Variants in SLC9A9 observed in about 807,000 individuals in gnomAD.
SLC9A9 encodes the protein solute carrier family 9 member A9.
Under a neutral mutation model 77.8 loss-of-function variants are expected in SLC9A9, and 62 were observed. That is an observed-to-expected ratio of 0.80 (90% CI 0.65 to 0.98). The LOEUF (loss-of-function observed/expected upper bound fraction) is 0.98. Among genes scored for constraint, SLC9A9 ranks in the 50% least tolerant of loss-of-function variants. The pLI, the probability that SLC9A9 is intolerant of heterozygous loss-of-function variation, is 0.00. For missense variants in SLC9A9, 775 were observed against 774.9 expected, an observed-to-expected ratio of 1.00 and a Z score of 0.00; for synonymous variants, 320 against 283.5, an observed-to-expected ratio of 1.13 and a Z score of -1.29.
intron 4 of SLC9A9, among the ~76,000 whole-genome samples, chr3:143,729,335 T>A (rs1173633698): frequency 6.6e-6 from 1 of 152,192 alleles, no homozygotes; most frequent in African/African-American, 2.4e-5. Context: ...ACTTGACCTC[T>A]CTACACTTCA....
chr3:143,618,145 C>T (rs771089580), intron 6 of SLC9A9, among the ~76,000 whole-genome samples: 27 of 152,128 alleles, frequency 1.8e-4, no homozygotes, highest in Admixed American at 6.5e-5. Flanking sequence ...GTGCTGGAAC[C>T]GTGGGAGGAA....
chr3:143,740,013 T>C (rs1369865394), intron 4 of SLC9A9, among the ~76,000 whole-genome samples: 1 of 152,212 alleles, frequency 6.6e-6, no homozygotes. Context: ...CGGGTTTCCA[T>C]ATGGTGAGTC....
intron 6 of SLC9A9, among the ~76,000 whole-genome samples, chr3:143,602,256 C>G (rs1419366693): frequency 6.6e-6 from 1 of 152,218 alleles, no homozygotes. Context: ...ACCAGCAGCA[C>G]GTAGCCCAGT....
At chr3:143,598,797 T>G (rs538689969) in intron 6 of SLC9A9, among the ~76,000 whole-genome samples, 60 of 152,344 alleles carry the variant, frequency 3.9e-4, no homozygotes, top group African/African-American at 1.3e-3. Context: ...GCCCTTGTCC[T>G]TTAATATGGA....
At chr3:143,356,610 T>C (rs2032593358) in intron 14 of SLC9A9, among the ~76,000 whole-genome samples, 1 of 152,182 alleles carries the variant, frequency 6.6e-6, no homozygotes, top group Non-Finnish European at 1.5e-5. Flanking sequence ...AGCCTTGAAC[T>C]CCTGGGCTCA....
intron 9 of SLC9A9, among the ~76,000 whole-genome samples, chr3:143,512,705 A>G (rs111408913): frequency 0.02 from 3,087 of 152,224 alleles, 99 homozygotes; most frequent in African/African-American, 0.069. Flanking sequence ...GTGAAACCCC[A>G]TCTCTACTAA....
At chr3:143,623,331 G>C (rs911844134) in intron 6 of SLC9A9, among the ~76,000 whole-genome samples, 1 of 152,094 alleles carries the variant, frequency 6.6e-6, no homozygotes, top group African/African-American at 2.4e-5. Flanking sequence ...GCACTACACA[G>C]CACTTATTCC....
chr3:143,601,670 C>T (rs577385169), intron 6 of SLC9A9, among the ~76,000 whole-genome samples: 67 of 152,330 alleles, frequency 4.4e-4, no homozygotes, highest in Middle Eastern at 3.4e-3. Flanking sequence ...GCCAACTCAG[C>T]GCTGCAGATT....
intron 12 of SLC9A9, among the ~76,000 whole-genome samples, chr3:143,450,004 A>C (rs1181069583): frequency 9.5e-6 from 1 of 105,114 alleles, no homozygotes; most frequent in African/African-American, 3.9e-5. Flanking sequence ...ATATATATAC[A>C]TATATGCATA....
chr3:143,660,109 A>G (rs1475659283), intron 5 of SLC9A9, among the ~76,000 whole-genome samples: 3 of 152,234 alleles, frequency 2.0e-5, no homozygotes, highest in East Asian at 1.9e-4. Context: ...GGTCTTGGTT[A>G]TATCTTTATC....
intron 6 of SLC9A9, among the ~76,000 whole-genome samples, chr3:143,582,790 A>C (rs1046044506): frequency 1.3e-5 from 2 of 152,182 alleles, no homozygotes; most frequent in African/African-American, 4.8e-5. Context: ...CATCTCTTCA[A>C]GTTTAGTGGA....
intron 11 of SLC9A9, among the ~76,000 whole-genome samples, chr3:143,486,316 T>C (rs1279031874): frequency 1.3e-5 from 2 of 152,090 alleles, no homozygotes; most frequent in African/African-American, 4.8e-5. Context: ...AAGAGAGTCC[T>C]GCAGGGTGAA....
chr3:143,711,484 C>T (rs935087464), intron 4 of SLC9A9, among the ~76,000 whole-genome samples: 1 of 152,004 alleles, frequency 6.6e-6, no homozygotes, highest in Admixed American at 6.6e-5. Context: ...CTCGCAGCCT[C>T]CTTCTCCTGG....
intron 12 of SLC9A9, among the ~76,000 whole-genome samples, chr3:143,436,493 T>C (rs2108540808): frequency 6.6e-6 from 1 of 152,342 alleles, no homozygotes; most frequent in Admixed American, 6.5e-5. Context: ...ATAGGTGAGT[T>C]ACTGTTCTGT....
chr3:143,510,068 T>G (rs2036090683), intron 9 of SLC9A9, among the ~76,000 whole-genome samples: 1 of 152,222 alleles, frequency 6.6e-6, no homozygotes, highest in Non-Finnish European at 1.5e-5. Context: ...ATAGATTAAA[T>G]GTGGATATGA....
intron 7 of SLC9A9, among the ~76,000 whole-genome samples, chr3:143,576,403 T>C (rs112786784): frequency 0.025 from 3,737 of 152,304 alleles, 137 homozygotes; most frequent in African/African-American, 0.086. Context: ...TATATGATCC[T>C]GAGTGAGCTA....
intron 6 of SLC9A9, among the ~76,000 whole-genome samples, chr3:143,582,699 G>A (rs2037476655): frequency 6.6e-6 from 1 of 152,220 alleles, no homozygotes; most frequent in Non-Finnish European, 1.5e-5. Flanking sequence ...AGTGGATCAA[G>A]GAGGGAAGGA....
chr3:143,783,322 C>G (rs2007943018), intron 4 of SLC9A9, among the ~76,000 whole-genome samples: 1 of 152,118 alleles, frequency 6.6e-6, no homozygotes, highest in Non-Finnish European at 1.5e-5. Context: ...CACTGAGGCT[C>G]TACCTCGCTG....
intron 4 of SLC9A9, among the ~76,000 whole-genome samples, chr3:143,761,321 CA>C (rs1357026462): frequency 6.6e-6 from 1 of 152,138 alleles, no homozygotes; most frequent in Non-Finnish European, 1.5e-5. Context: ...GCCATGGCAA[CA>C]AAAGCCAAAA....
Sources: gnomAD v4.1 joint callset for allele counts (sites outside exome capture counted in the v4.1 genomes callset) on GRCh38, gnomAD v4.1.1 for gene constraint, MANE v1.5 for transcripts, NCBI Gene and HGNC (gene_info 2026-07-23, HGNC 2026-07-21) for gene names.